The following SLC9A4 variants were observed in gnomAD, a reference collection of about 807,000 sequenced individuals.
SLC9A4 encodes the protein sodium/hydrogen exchanger 4.
SLC9A4 carries 63 observed loss-of-function variants against 67.4 expected under a neutral mutation model. The observed-to-expected ratio is 0.93, with a 90% CI of 0.76 to 1.15. SLC9A4 has a LOEUF of 1.15. Among genes scored for constraint, SLC9A4 ranks in the 50% most tolerant of loss-of-function variants. The pLI, the probability that SLC9A4 is intolerant of heterozygous loss-of-function variation, is 0.00. For missense variants in SLC9A4, 1,089 were observed against 987.7 expected (o/e 1.10, Z -1.38); for synonymous variants, 393 against 367.2 (o/e 1.07, Z -0.80).
chr2:102,513,109 G>A (rs952256888), intron 7 of SLC9A4, among the ~76,000 whole-genome samples: 1 of 152,188 alleles, frequency 6.6e-6, no homozygotes, highest in African/African-American at 2.4e-5. Context: ...GGGTGTTATG[G>A]TTGGGGAGGT....
rs534294939 is a variant in SLC9A4, at chr2:102,505,096, A to AGAAAATCTGCG, written c.981-147_981-137dup. Among the ~76,000 whole-genome samples, 10 of 152,324 alleles carry AGAAAATCTGCG rather than the reference A, an allele frequency of 6.6e-5. No individual in the cohort carries two copies. In the South Asian group the frequency reaches 2.1e-3, roughly 32 times the overall value. On this transcript the variant is annotated intron_variant, in intron 3 of 11. Transcript: ENST00000295269. ...TCTTAGGGAGGGAAAAGAGGGAGAAAGAAAATCTGCGGAAAATCTGCAGCC... is the reference window on the plus strand; with the variant it reads ...TCTTAGGGAGGGAAAAGAGGGAGAAAGAAAATCTGCGGAAAATCTGCGGAAAATCTGCAGCC...
At chr2:102,488,373 C>T (rs1684630176) in intron 2 of SLC9A4, among the ~76,000 whole-genome samples, 1 of 152,120 alleles carries the variant, frequency 6.6e-6, no homozygotes, top group African/African-American at 2.4e-5. Flanking sequence ...ACCTGTTACA[C>T]AGGCCTGGAT....
rs1443175745 is a variant in SLC9A4 at position 102,514,173 on chromosome 2, A to G, written c.1643A>G (p.Lys548Arg). Residue 548 changes from lysine to arginine, a missense_variant, in exon 8 of 12, where the codon AAG becomes AGG. By Grantham distance (26) the Lys-to-Arg change is conservative. Transcript: ENST00000295269. ...AAATCAAGCATTGTTTCTTTGTACA[A>G]GAAGCTGGAAATGAAGCAAGCCATC... The part of the protein sequence containing the change: ...LPKSSIVSLY[K>R]KLEMKQAIEM... 6.2e-7 allele frequency: 1 copy of G among 1,614,140 alleles called. No individual in the cohort carries two copies. The highest frequency in any genetic ancestry group is 8.5e-7 in the Non-Finnish European group (1 of 1,180,022).
At chr2:102,521,898 C>A (rs902405815) in intron 9 of SLC9A4, among the ~76,000 whole-genome samples, 1 of 152,142 alleles carries the variant, frequency 6.6e-6, no homozygotes, top group East Asian at 1.9e-4. Context: ...TGACTCTGGG[C>A]GACCCTAATG....
chr2:102,508,271 T>C lies in SLC9A4; in HGVS notation c.1391T>C (p.Val464Ala). Residue 464 changes from valine (V) to alanine (A), a missense_variant, in exon 5 of 12, where the codon GTA (valine) becomes GCA (alanine). Transcript: ENST00000295269. The stretch of plus-strand genomic sequence containing the variant: ...ACTCTAGTAGTTATATACTTTACTG[T>C]ATTTATTCAGGTAAGTAGATTTCCC... ...TATLVVIYFT[V>A]FIQGITVGPL... is the part of the protein sequence containing the mutation. The C allele has an allele frequency of 1.2e-6, 2 of 1,610,506 alleles. No individual in the cohort carries two copies. The highest frequency in any genetic ancestry group is 1.7e-6 in the Non-Finnish European group (2 of 1,177,388).
In SLC9A4 at chr2:102,508,890, A is replaced by T. The variant is rs781760624; in HGVS notation, c.1445A>T (p.Lys482Ile). 3.3e-5 allele frequency: 54 copies of T among 1,613,184 alleles called. No individual in the cohort carries two copies. The Admixed American group carries it at 9.0e-4, about 27-fold the overall frequency. The change falls in exon 6 of 12, where the codon AAA becomes ATA. Residue 482 changes from lysine to isoleucine, a missense_variant. Lys to Ile is a moderately radical substitution (Grantham distance 102). Coordinates refer to ENST00000295269, the MANE Select transcript of SLC9A4 (RefSeq NM_001011552.4). ...CTGGTCAGGTACCTGGATGTTAAAA[A>T]AACCAATAAAAAAGAATCCATCAAT... ...GPLVRYLDVK[K>I]TNKKESINEE...
intron 4 of SLC9A4, 27 bp downstream of exon 4, chr2:102,505,498 T>A: frequency 6.2e-7 from 1 of 1,602,920 alleles, no homozygotes; most frequent in South Asian, 1.1e-5. Flanking sequence ...CTCCAGAGTC[T>A]CCGGTCCTGC....
At chr2:102,530,031 A>T (rs1053912317) in intron 11 of SLC9A4, among the ~76,000 whole-genome samples, 5 of 152,236 alleles carry the variant, frequency 3.3e-5, no homozygotes, top group African/African-American at 1.2e-4. Flanking sequence ...ATGTGAATGC[A>T]CTTCATGCAA....
chr2:102,505,148 T>C, intron 3 of SLC9A4, 106 bp from the exon 4 acceptor site: 1 of 978,264 alleles, frequency 1.0e-6, no homozygotes, highest in Non-Finnish European at 1.5e-6. Flanking sequence ...GAGATATTCC[T>C]GCATCAACAC....
rs542656910 is a variant in SLC9A4 at position 102,520,609 on chromosome 2, A to G, written c.1818+654A>G. ...ATGACAAGTTTTTTCAAGTTTGAGGATTTGATCATCCATTTTAATCCTAAT... is the reference window on the plus strand; with the variant it reads ...ATGACAAGTTTTTTCAAGTTTGAGGGTTTGATCATCCATTTTAATCCTAAT... On this transcript the variant is annotated intron_variant, in intron 9 of 11. Transcript: ENST00000295269. 2.0e-5 allele frequency among the ~76,000 whole-genome samples: 3 copies of G among 152,266 alleles called. No homozygotes were observed. In the East Asian group the frequency reaches 5.8e-4, roughly 29 times the overall value.
chr2:102,519,818 T>C (rs1371095053), intron 8 of SLC9A4, 41 bp from the exon 9 acceptor site: 2 of 1,602,200 alleles, frequency 1.2e-6, no homozygotes, highest in African/African-American at 2.7e-5. Context: ...TCTTGCCAAA[T>C]GAAAGAATAA....
At chr2:102,525,757 A>G (rs780627079) in intron 10 of SLC9A4, among the ~76,000 whole-genome samples, 10 of 152,120 alleles carry the variant, frequency 6.6e-5, no homozygotes, top group Non-Finnish European at 1.3e-4. Context: ...CTAATGGTCT[A>G]TTTTATCATG....
intron 8 of SLC9A4, among the ~76,000 whole-genome samples, chr2:102,518,033 C>T (rs1329466564): frequency 6.6e-6 from 1 of 152,170 alleles, no homozygotes; most frequent in Non-Finnish European, 1.5e-5. Flanking sequence ...CAGGTATCAC[C>T]TTGCCCAAGG....
chr2:102,479,367 G>C, intron 2 of SLC9A4, 65 bp downstream of exon 2: 1 of 1,483,052 alleles, frequency 6.7e-7, no homozygotes, highest in Non-Finnish European at 9.0e-7. Context: ...GCTGGGGACC[G>C]GAGGCTGTGG....
chr2:102,479,545 G>A (rs1684414799), intron 2 of SLC9A4, among the ~76,000 whole-genome samples: 1 of 152,190 alleles, frequency 6.6e-6, no homozygotes. Flanking sequence ...AGTGGAAAAG[G>A]AGAGAGAACG....
At position 102,505,497 on chromosome 2, in the gene SLC9A4, C is replaced by T. The variant is rs776267616; in HGVS notation, c.1198+26C>T. ...GTAAGAGACGGCAGGGCTCCAGAGTCTCCGGTCCTGCTGCATTTTCAGTTC... is the reference window on the plus strand; with the variant it reads ...GTAAGAGACGGCAGGGCTCCAGAGTTTCCGGTCCTGCTGCATTTTCAGTTC... On this transcript the variant is annotated intron_variant, in intron 4 of 11. Coordinates refer to ENST00000295269, the MANE Select transcript of SLC9A4 (RefSeq NM_001011552.4). 11 of 1,602,914 alleles carry T rather than the reference C, an allele frequency of 6.9e-6. No homozygotes were observed. In the Admixed American group the frequency reaches 1.8e-4, roughly 27 times the overall value.
chr2:102,528,048 C>A (rs764840863), intron 11 of SLC9A4, among the ~76,000 whole-genome samples: 5 of 152,072 alleles, frequency 3.3e-5, no homozygotes, highest in Non-Finnish European at 7.4e-5. Context: ...CTCTCTGTCA[C>A]CCCGGCTGGA....
chr2:102,521,203 A>G lies in SLC9A4; in HGVS notation c.1818+1248A>G, dbSNP rs181913427. ...GTGGATGAAGGCCAAGTTTAGGGAAAGGTCTAGAAACGGAGATGGAGATCC... is the reference window on the plus strand; with the variant it reads ...GTGGATGAAGGCCAAGTTTAGGGAAGGGTCTAGAAACGGAGATGGAGATCC... On this transcript the variant is annotated intron_variant, in intron 9 of 11. Coordinates refer to ENST00000295269, the MANE Select transcript of SLC9A4 (RefSeq NM_001011552.4). 2.8e-3 allele frequency among the ~76,000 whole-genome samples: 431 copies of G among 152,344 alleles called. 2 individuals are homozygous for G. The highest frequency in any genetic ancestry group is 0.014 in the Middle Eastern group (4 of 294).
At chr2:102,525,382 C>T (rs1573357516) in intron 10 of SLC9A4, among the ~76,000 whole-genome samples, 1 of 151,966 alleles carries the variant, frequency 6.6e-6, no homozygotes, top group East Asian at 2.0e-4. Flanking sequence ...CTTCCCTCCA[C>T]AGTGGGTCAG....
Sources: gnomAD v4.1 joint callset for allele counts (sites outside exome capture counted in the v4.1 genomes callset) on GRCh38, gnomAD v4.1.1 for gene constraint, MANE v1.5 for transcripts, NCBI Gene and HGNC (gene_info 2026-07-23, HGNC 2026-07-21) for gene names.